Variants in HTR4 observed in about 807,000 individuals in gnomAD.
HTR4 encodes 5-hydroxytryptamine (serotonin) receptor 4, G protein-coupled.
In HTR4, 16 loss-of-function variants were observed where a neutral mutation model predicts 36.8. That is an observed-to-expected ratio of 0.43 (90% CI 0.29 to 0.66). The LOEUF (loss-of-function observed/expected upper bound fraction) is 0.66, where lower values mean the gene tolerates loss of function less well. Among genes scored for constraint, HTR4 ranks in the 30% least tolerant of loss-of-function variants. The pLI is 0.13. For missense variants in HTR4, 438 were observed against 490.9 expected, an observed-to-expected ratio of 0.89 and a Z score of 1.02; for synonymous variants, 189 against 185.1, an observed-to-expected ratio of 1.02 and a Z score of -0.17.
At chr5:148,601,542 T>A (rs1426549160) in intron 2 of HTR4, among the ~76,000 whole-genome samples, 1 of 152,176 alleles carries the variant, frequency 6.6e-6, no homozygotes, top group African/African-American at 2.4e-5. Context: ...GGCTCACTCC[T>A]GTAATCCCAG....
At chr5:148,571,182 T>C (rs748554325) in intron 2 of HTR4, among the ~76,000 whole-genome samples, 4 of 152,152 alleles carry the variant, frequency 2.6e-5, no homozygotes, top group Non-Finnish European at 4.4e-5. Context: ...AGAACATAAC[T>C]CCTTTTACTT....
chr5:148,479,674 C>A (rs1459989240), downstream of HTR4, among the ~76,000 whole-genome samples: 1 of 152,130 alleles, frequency 6.6e-6, no homozygotes, highest in Non-Finnish European at 1.5e-5. Context: ...ACCTTCAAAG[C>A]CTTAGCTTCA....
chr5:148,545,324 G>A (rs983811819), intron 4 of HTR4, among the ~76,000 whole-genome samples: 2 of 152,208 alleles, frequency 1.3e-5, no homozygotes, highest in Non-Finnish European at 2.9e-5. Context: ...AGAACGTGCT[G>A]ACCACTCCAT....
chr5:148,469,641 T>C (rs1755516170), intron 5 of HTR4, among the ~76,000 whole-genome samples: 2 of 152,238 alleles, frequency 1.3e-5, no homozygotes, highest in Non-Finnish European at 2.9e-5. Flanking sequence ...TCATCAGCAG[T>C]TGGCTGGTTA....
intron 2 of HTR4, chr5:148,628,537 C>T (rs183245301): frequency 6.6e-6 from 1 of 152,014 alleles, no homozygotes; most frequent in Admixed American, 6.5e-5. Context: ...TTATATATAC[C>T]TTAGGAGATA....
intron 2 of HTR4, among the ~76,000 whole-genome samples, chr5:148,564,082 T>C (rs1386922800): frequency 6.6e-6 from 1 of 152,228 alleles, no homozygotes; most frequent in East Asian, 1.9e-4. Context: ...TCTTATAATG[T>C]CTTCCCATTG....
At chr5:148,493,414 G>A (rs1303030482) in intron 6 of HTR4, among the ~76,000 whole-genome samples, 2 of 152,188 alleles carry the variant, frequency 1.3e-5, no homozygotes, top group African/African-American at 2.4e-5. Flanking sequence ...ACTTAAGTGT[G>A]TATGAACTAC....
At chr5:148,467,209 G>A (rs537506929) in intron 5 of HTR4, among the ~76,000 whole-genome samples, 21 of 152,252 alleles carry the variant, frequency 1.4e-4, no homozygotes, top group South Asian at 1.0e-3. Flanking sequence ...ATGTTCCTGC[G>A]TGGAGCTAGA....
intron 2 of HTR4, among the ~76,000 whole-genome samples, chr5:148,590,929 C>T (rs187112384): frequency 1.2e-3 from 190 of 152,222 alleles, no homozygotes; most frequent in African/African-American, 4.3e-3. Context: ...GACGTATTGC[C>T]TGGCTTGGCT....
At chr5:148,470,165 T>G (rs1414183110) in intron 5 of HTR4, among the ~76,000 whole-genome samples, 1 of 152,222 alleles carries the variant, frequency 6.6e-6, no homozygotes, top group Non-Finnish European at 1.5e-5. Context: ...TATTCACAAG[T>G]ATTTTTGAAT....
intron 5 of HTR4, among the ~76,000 whole-genome samples, chr5:148,460,765 T>G (rs1755255869): frequency 6.6e-6 from 1 of 152,160 alleles, no homozygotes; most frequent in African/African-American, 2.4e-5. Context: ...TTTCTTATTC[T>G]TAATTGCTCA....
intron 2 of HTR4, among the ~76,000 whole-genome samples, chr5:148,567,514 G>A (rs868737349): frequency 2.0e-5 from 3 of 152,036 alleles, no homozygotes; most frequent in Admixed American, 6.6e-5. Flanking sequence ...AGTTTCTACC[G>A]AGACTTGGTA....
At chr5:148,512,637 T>G (rs1757546581) in intron 5 of HTR4, among the ~76,000 whole-genome samples, 1 of 152,132 alleles carries the variant, frequency 6.6e-6, no homozygotes, top group South Asian at 2.1e-4. Context: ...TACTCCTAAG[T>G]ATAAAGATAC....
intron 2 of HTR4, among the ~76,000 whole-genome samples, chr5:148,596,617 C>A (rs903083327): frequency 1.3e-5 from 2 of 151,890 alleles, no homozygotes; most frequent in Non-Finnish European, 2.9e-5. Context: ...GAAGCATCAC[C>A]ACCCCCTTCT....
intron 6 of HTR4, among the ~76,000 whole-genome samples, chr5:148,496,578 T>G (rs1301807643): frequency 6.6e-6 from 1 of 152,134 alleles, no homozygotes; most frequent in Non-Finnish European, 1.5e-5. Flanking sequence ...TTTCTCTTTC[T>G]CAAGGCAGAA....
intron 2 of HTR4, among the ~76,000 whole-genome samples, chr5:148,564,994 C>A (rs1760374194): frequency 6.6e-6 from 1 of 151,478 alleles, no homozygotes; most frequent in South Asian, 2.1e-4. Flanking sequence ...CCTATAATAC[C>A]AGCTACTCGG....
intron 6 of HTR4, among the ~76,000 whole-genome samples, chr5:148,505,761 C>A (rs1408262988): frequency 6.6e-6 from 1 of 152,136 alleles, no homozygotes; most frequent in Non-Finnish European, 1.5e-5. Flanking sequence ...CATGAGTGAA[C>A]TCCCAATCAC....
At chr5:148,507,609 A>G (rs1757287900) in intron 6 of HTR4, among the ~76,000 whole-genome samples, 2 of 152,174 alleles carry the variant, frequency 1.3e-5, no homozygotes, top group Admixed American at 6.5e-5. Context: ...GGAAGAAAAT[A>G]TGGAGTGTAC....
chr5:148,586,640 C>G (rs936267722), intron 2 of HTR4, among the ~76,000 whole-genome samples: 4 of 152,042 alleles, frequency 2.6e-5, no homozygotes, highest in Non-Finnish European at 4.4e-5. Context: ...GTGGGGGTTA[C>G]AATTAGAGAT....
Sources: allele counts gnomAD v4.1 joint callset (sites outside exome capture counted in the v4.1 genomes callset), GRCh38; gene constraint gnomAD v4.1.1; transcripts MANE v1.5; gene names NCBI Gene and HGNC (gene_info 2026-07-23, HGNC 2026-07-21).